Variants in RSRC1 observed in about 807,000 individuals in gnomAD.
RSRC1 encodes serine/Arginine-related protein 53.
A neutral mutation model predicts 49.1 loss-of-function variants in RSRC1; 39 were observed. The ratio of observed to expected loss-of-function variants is 0.79; its 90% CI spans 0.61 to 1.04. RSRC1 has a LOEUF of 1.04. Among genes scored for constraint, RSRC1 ranks in the 50% least tolerant of loss-of-function variants. The pLI, the probability that RSRC1 is intolerant of heterozygous loss-of-function variation, is 0.00. For synonymous variants in RSRC1, 143 were observed against 130.8 expected (o/e 1.09, Z -0.63); for missense variants, 388 against 402.4 (o/e 0.96, Z 0.31).
chr3:158,403,924 C>T (rs1182598038), intron 6 of RSRC1, among the ~76,000 whole-genome samples: 1 of 151,738 alleles, frequency 6.6e-6, no homozygotes, highest in African/African-American at 2.4e-5. Flanking sequence ...GATTAAGGAG[C>T]TTCTCAAAAT....
At position 158,517,305 on chromosome 3, in the gene RSRC1, T is replaced by C. The variant is rs6792541; in HGVS notation, c.653-19787T>C. On this transcript the variant is annotated intron_variant, in intron 7 of 9. Coordinates refer to ENST00000611884, the MANE Select transcript of RSRC1 (RefSeq NM_001271838.2). Reference sequence around the variant, plus strand: ...GTTTTCTATAAATACAATCATCTTATCTTTTTGTCTCTTTCCACTTGTTAT... The same window carrying C: ...GTTTTCTATAAATACAATCATCTTACCTTTTTGTCTCTTTCCACTTGTTAT... Among the ~76,000 whole-genome samples, 589 of 152,294 alleles carry C rather than the reference T, an allele frequency of 3.9e-3. 5 individuals carry two copies. Among genetic ancestry groups the C allele is most frequent in the African/African-American group, 0.013 (555 of 41,566 alleles).
intron 6 of RSRC1, among the ~76,000 whole-genome samples, chr3:158,356,402 G>T (rs1379078407): frequency 2.0e-5 from 3 of 152,032 alleles, no homozygotes; most frequent in Non-Finnish European, 4.4e-5. Context: ...GGGAACTCCA[G>T]TATGATCGGT....
chr3:158,284,433 G>T (rs1726382837), intron 4 of RSRC1, among the ~76,000 whole-genome samples: 1 of 146,820 alleles, frequency 6.8e-6, no homozygotes, highest in Admixed American at 6.8e-5. Context: ...GGGTCAAATG[G>T]TATTTCTAGT....
intron 4 of RSRC1, among the ~76,000 whole-genome samples, chr3:158,208,557 G>A (rs827148): frequency 0.57 from 86,704 of 151,956 alleles, 25,106 homozygotes; most frequent in East Asian, 0.73. Flanking sequence ...TTTTTCTTGA[G>A]ATAAAGTCTC....
intron 5 of RSRC1, among the ~76,000 whole-genome samples, chr3:158,323,687 CTAGA>C (rs1454025314): frequency 6.6e-6 from 1 of 152,194 alleles, no homozygotes; most frequent in Admixed American, 6.5e-5. Flanking sequence ...GCTGTTCTTA[CTAGA>C]TAAAGTATTA....
chr3:158,356,904 T>C (rs1156979129), intron 6 of RSRC1, among the ~76,000 whole-genome samples: 1 of 152,134 alleles, frequency 6.6e-6, no homozygotes, highest in Non-Finnish European at 1.5e-5. Context: ...ACTCCAGACC[T>C]CACAGTGTAT....
At chr3:158,229,352 ATAC>A (rs1722801040) in intron 4 of RSRC1, among the ~76,000 whole-genome samples, 1 of 124,862 alleles carries the variant, frequency 8.0e-6, no homozygotes, top group Non-Finnish European at 1.8e-5. Flanking sequence ...ATGTATATAT[ATAC>A]ACATATACAC....
chr3:158,400,214 G>C (rs1195264791), intron 6 of RSRC1, among the ~76,000 whole-genome samples: 1 of 152,016 alleles, frequency 6.6e-6, no homozygotes, highest in Non-Finnish European at 1.5e-5. Context: ...TAGGTCATAG[G>C]TGTCCTAAAA....
At chr3:158,525,946 T>C (rs1711999022) in intron 7 of RSRC1, among the ~76,000 whole-genome samples, 1 of 151,970 alleles carries the variant, frequency 6.6e-6, no homozygotes, top group South Asian at 2.1e-4. Flanking sequence ...ACATGTTCTA[T>C]ATATTGATTG....
At chr3:158,318,963 T>C (rs1432465632) in intron 5 of RSRC1, among the ~76,000 whole-genome samples, 4 of 152,034 alleles carry the variant, frequency 2.6e-5, no homozygotes, top group Non-Finnish European at 5.9e-5. Context: ...CAGAGAGAAA[T>C]TGGAGTGACA....
At chr3:158,115,036 T>G (rs188107908) in intron 1 of RSRC1, among the ~76,000 whole-genome samples, 172 of 152,316 alleles carry the variant, frequency 1.1e-3, no homozygotes, top group African/African-American at 4.0e-3. Context: ...AATACTATGT[T>G]GAATAGGAGT....
intron 7 of RSRC1, among the ~76,000 whole-genome samples, chr3:158,511,108 G>T (rs371350794): frequency 2.3e-4 from 34 of 149,416 alleles, no homozygotes; most frequent in East Asian, 5.9e-4. Context: ...TCATTTGTTG[G>T]TTTTTTTTTT....
intron 3 of RSRC1, among the ~76,000 whole-genome samples, chr3:158,132,729 C>T (rs1716122783): frequency 6.6e-6 from 1 of 152,114 alleles, no homozygotes; most frequent in East Asian, 1.9e-4. Flanking sequence ...TTCCTTTTCT[C>T]AAATATTACC....
chr3:158,465,636 G>A (rs1380718958), intron 7 of RSRC1, among the ~76,000 whole-genome samples: 2 of 152,134 alleles, frequency 1.3e-5, no homozygotes, highest in African/African-American at 4.8e-5. Context: ...GCTACTCATT[G>A]TAATATGCAA....
At chr3:158,345,309 T>A (rs1177293808) in intron 5 of RSRC1, among the ~76,000 whole-genome samples, 2 of 152,116 alleles carry the variant, frequency 1.3e-5, no homozygotes, top group African/African-American at 2.4e-5. Context: ...AAGTGTATGT[T>A]GGTCTAAAAA....
At chr3:158,280,015 G>A (rs827100) in intron 4 of RSRC1, among the ~76,000 whole-genome samples, 5,597 of 152,166 alleles carry the variant, frequency 0.037, 116 homozygotes, top group Non-Finnish European at 0.044. Flanking sequence ...GACCACCAGC[G>A]CCTCTGACAT....
At chr3:158,185,557 T>G (rs1258262284) in intron 3 of RSRC1, among the ~76,000 whole-genome samples, 1 of 151,920 alleles carries the variant, frequency 6.6e-6, no homozygotes, top group Non-Finnish European at 1.5e-5. Context: ...TTTTAAAAAT[T>G]ATTCATTCTA....
At chr3:158,320,927 GA>G (rs1440457571) in intron 5 of RSRC1, among the ~76,000 whole-genome samples, 1 of 152,154 alleles carries the variant, frequency 6.6e-6, no homozygotes, top group Non-Finnish European at 1.5e-5. Context: ...TAGTTCAAAT[GA>G]ATGGGATTTG....
At chr3:158,442,884 G>A (rs1237431549) in intron 6 of RSRC1, among the ~76,000 whole-genome samples, 2 of 152,082 alleles carry the variant, frequency 1.3e-5, no homozygotes, top group African/African-American at 4.8e-5. Flanking sequence ...TGTTCTGTTA[G>A]CAGGCGTGAA....
Sources: allele counts gnomAD v4.1 joint callset (sites outside exome capture counted in the v4.1 genomes callset), GRCh38; gene constraint gnomAD v4.1.1; transcripts MANE v1.5; gene names NCBI Gene and HGNC (gene_info 2026-07-23, HGNC 2026-07-21).